GLB1: variants seen among roughly 807,000 people sequenced by gnomAD.
GLB1 encodes the protein beta-galactosidase.
A neutral mutation model predicts 74.0 loss-of-function variants in GLB1; 56 were observed. The ratio of observed to expected loss-of-function variants is 0.76; its 90% CI spans 0.61 to 0.94. The LOEUF is 0.94. Among genes scored for constraint, GLB1 ranks in the 40% least tolerant of loss-of-function variants. GLB1 has a pLI of 0.00. For missense variants in GLB1, 787 were observed against 845.5 expected, an observed-to-expected ratio of 0.93 and a Z score of 0.86; for synonymous variants, 323 against 323.6, an observed-to-expected ratio of 1.00 and a Z score of 0.02.
chr3:33,003,894 G>C (rs1224463764), intron 15 of GLB1, among the ~76,000 whole-genome samples: 1 of 152,182 alleles, frequency 6.6e-6, no homozygotes, highest in Non-Finnish European at 1.5e-5. Context: ...GCCAGGTATG[G>C]TGGTGTGCAC....
At chr3:33,056,264 C>T (rs1477224470) in intron 6 of GLB1, among the ~76,000 whole-genome samples, 1 of 143,694 alleles carries the variant, frequency 7.0e-6, no homozygotes, top group Non-Finnish European at 1.5e-5. Context: ...AAAGCAACAC[C>T]AGGCTAATTT....
At chr3:32,990,655 C>G in the GLB1 span, among the ~76,000 whole-genome samples, 1 of 152,116 alleles carries the variant, frequency 6.6e-6, no homozygotes, top group Non-Finnish European at 1.5e-5. Flanking sequence ...AGGTGGTCCA[C>G]GACAGCCAAA....
chr3:32,999,288 G>A (rs1014530017), intron 15 of GLB1, among the ~76,000 whole-genome samples: 1 of 152,128 alleles, frequency 6.6e-6, no homozygotes, highest in African/African-American at 2.4e-5. Flanking sequence ...CTTAAAATCT[G>A]CCGGTGCCTT....
chr3:33,010,805 T>C (rs376554119), intron 15 of GLB1, among the ~76,000 whole-genome samples: 304 of 152,142 alleles, frequency 2.0e-3, no homozygotes, highest in South Asian at 0.018. Context: ...ACAAGATATT[T>C]TTACAAACCC....
intron 10 of GLB1, among the ~76,000 whole-genome samples, chr3:33,031,203 G>A (rs199592118): frequency 4.1e-4 from 63 of 152,258 alleles, no homozygotes; most frequent in African/African-American, 1.4e-3. Context: ...GACATATTCC[G>A]CTTTTTGAGT....
At chr3:33,026,812 A>C (rs1055480544) in intron 10 of GLB1, among the ~76,000 whole-genome samples, 7 of 151,946 alleles carry the variant, frequency 4.6e-5, no homozygotes, top group African/African-American at 1.7e-4. Flanking sequence ...CTCTGCTGAG[A>C]GCTGAACACT....
chr3:33,028,092 T>TG (rs1292913651), intron 10 of GLB1, among the ~76,000 whole-genome samples: 4 of 152,010 alleles, frequency 2.6e-5, no homozygotes, highest in Admixed American at 1.3e-4. Context: ...TTTGTAGAAA[T>TG]GGGGTCTCAC....
At chr3:32,993,959 T>C (rs535389275), downstream of GLB1, among the ~76,000 whole-genome samples, 18 of 152,252 alleles carry the variant, frequency 1.2e-4, no homozygotes, top group South Asian at 3.7e-3. Context: ...CTAAGGGTAA[T>C]TCTGCCTCCT....
At chr3:32,970,598 T>C in the GLB1 span, among the ~76,000 whole-genome samples, 4 of 152,156 alleles carry the variant, frequency 2.6e-5, no homozygotes, top group African/African-American at 9.7e-5. Context: ...CCATATAGGA[T>C]AGGCCCCATA....
intron 15 of GLB1, among the ~76,000 whole-genome samples, chr3:33,010,947 T>G (rs1378861744): frequency 1.3e-5 from 2 of 152,042 alleles, no homozygotes; most frequent in African/African-American, 4.8e-5. Context: ...GCCTCTGCCT[T>G]CCAGGTTCGA....
intron 5 of GLB1, among the ~76,000 whole-genome samples, chr3:33,061,337 C>T (rs1699434466): frequency 6.6e-6 from 1 of 152,116 alleles, no homozygotes; most frequent in Non-Finnish European, 1.5e-5. Context: ...TTGCTTGAAC[C>T]CGGGAGGCAG....
intron 1 of GLB1, chr3:33,096,689 A>G: frequency 8.6e-7 from 1 of 1,168,266 alleles, no homozygotes; most frequent in Non-Finnish European, 1.1e-6. Flanking sequence ...CCCCTCCCGG[A>G]AAGCCAACTT....
chr3:33,072,500 T>C (rs190936792), intron 2 of GLB1, 44 bp downstream of exon 2: 2 of 1,611,586 alleles, frequency 1.2e-6, no homozygotes, highest in Non-Finnish European at 1.7e-6. Flanking sequence ...CTCTCCAGAG[T>C]GGGTGTTCAG....
intron 10 of GLB1, among the ~76,000 whole-genome samples, chr3:33,027,305 G>A (rs1398046873): frequency 2.0e-5 from 3 of 152,254 alleles, no homozygotes; most frequent in Non-Finnish European, 2.9e-5. Flanking sequence ...GTGTCTGACC[G>A]TGCACAGTGG....
At chr3:33,022,806 C>T (rs928676075) in intron 11 of GLB1, among the ~76,000 whole-genome samples, 4 of 151,776 alleles carry the variant, frequency 2.6e-5, no homozygotes, top group Non-Finnish European at 4.4e-5. Context: ...GTGATCCTCC[C>T]GCCTCGGCCT....
At chr3:33,096,929 C>T (rs558974528) in intron 1 of GLB1, 82 bp downstream of exon 1, 15 of 1,548,838 alleles carry the variant, frequency 9.7e-6, no homozygotes, top group Middle Eastern at 1.8e-4. Flanking sequence ...TGCGGGACCG[C>T]GGGTGGCTGC....
intron 10 of GLB1, chr3:33,045,603 T>C: frequency 1.0e-6 from 1 of 991,020 alleles, no homozygotes; most frequent in African/African-American, 1.7e-5. Context: ...TTTCAGATGA[T>C]GCATTAAATA....
Position 33,093,131 on chromosome 3 carries a change from C to T in GLB1, c.75+3880G>A. The T allele has an allele frequency of 6.2e-7, 1 of 1,614,180 alleles. No individual in the cohort carries two copies. Among genetic ancestry groups the T allele is most frequent in the Non-Finnish European group, 8.5e-7 (1 of 1,180,028 alleles). ...TTGTGTGGTCTGGGCTGCAGCCCTC[C>T]AGGGCCTTGTCAAGATCCATGCCAT... On this transcript the variant is annotated intron_variant, in intron 1 of 15. Coordinates refer to ENST00000307363, the MANE Select transcript of GLB1 (RefSeq NM_000404.4). The surrounding 1 kb of genome is among the most constrained non-coding windows in gnomAD (Gnocchi z 6.0).
intron 9 of GLB1, 33 bp from the exon 10 acceptor site, chr3:33,046,265 T>C: frequency 6.2e-7 from 1 of 1,611,860 alleles, no homozygotes; most frequent in South Asian, 1.1e-5. Context: ...TAGTTATTAC[T>C]GATGGTGCAG....
Sources: allele counts gnomAD v4.1 joint callset (sites outside exome capture counted in the v4.1 genomes callset), GRCh38; gene constraint gnomAD v4.1.1; non-coding constraint Gnocchi (gnomAD v3.1); transcripts MANE v1.5; gene names NCBI Gene and HGNC (gene_info 2026-07-23, HGNC 2026-07-21).